RP1: variants seen among roughly 807,000 people sequenced by gnomAD.
RP1 encodes the protein oxygen-regulated protein 1.
RP1 carries 16 observed loss-of-function variants against 14.8 expected under a neutral mutation model. The ratio of observed to expected loss-of-function variants is 1.08; its 90% confidence interval spans 0.73 to 1.65. RP1 has a LOEUF of 1.65. RP1 is among the 40% of genes most tolerant of loss of function. RP1 has a pLI of 0.00. For synonymous variants in RP1, 876 were observed against 883.6 expected (o/e 0.99, Z 0.15); for missense variants, 2,631 against 2,535.0 (o/e 1.04, Z -0.81).
At position 54,640,462 on chromosome 8, in the gene RP1, C is replaced by A. The variant is rs1447256019; in HGVS notation, c.788-8523C>A. Among the ~76,000 whole-genome samples, 4 of 151,982 alleles carry A rather than the reference C, an allele frequency of 2.6e-5. No homozygotes were observed. The East Asian group carries it at 7.7e-4, about 29-fold the overall frequency. On this transcript the variant is annotated intron_variant, in intron 3 of 22. Coordinates refer to the RP1 transcript ENST00000636932. The stretch of plus-strand genomic sequence containing the variant: ...ACCAATCTAGGTTCTTTCATTTTTC[C>A]TTTTTAAACTGCTAAACCAGCAGCT...
chr8:54,766,565 T>C (rs940582521), intron 22 of RP1, among the ~76,000 whole-genome samples: 1 of 152,140 alleles, frequency 6.6e-6, no homozygotes, highest in Non-Finnish European at 1.5e-5. Context: ...GGTGGAGACA[T>C]AGAATCTTCA....
intron 23 of RP1, among the ~76,000 whole-genome samples, chr8:54,781,724 T>G (rs1479224570): frequency 6.6e-6 from 1 of 152,160 alleles, no homozygotes; most frequent in East Asian, 1.9e-4. Flanking sequence ...TTTTAAAGGA[T>G]GAAATATAAA....
At position 54,621,551 on chromosome 8, in the gene RP1, G is replaced by A. The variant is rs1327128195; in HGVS notation, c.585G>A (p.Val195=). The A allele has an allele frequency of 6.2e-7, 1 of 1,614,186 alleles. No homozygotes were observed. Among genetic ancestry groups the A allele is most frequent in the East Asian group, 2.2e-5 (1 of 44,874 alleles). ...TGACAGAGGTCATGCAGCGCCCTGT[G>A]GTCAAGCTGTACGCTACGGACGGAA... ...QHLTEVMQRP[V]VKLYATDGRR... Residue 195 remains valine (V), a synonymous_variant, in exon 2 of 4, where the codon GTG becomes GTA. Coordinates refer to ENST00000220676, the MANE Select transcript of RP1 (RefSeq NM_006269.2).
intron 16 of RP1, chr8:54,720,367 T>C: frequency 2.2e-6 from 3 of 1,370,262 alleles, no homozygotes; most frequent in Non-Finnish European, 2.9e-6. Context: ...GTGTACAGTG[T>C]CTGAAAATTT....
At chr8:54,791,769 A>G (rs1411580095) in intron 24 of RP1, among the ~76,000 whole-genome samples, 1 of 152,134 alleles carries the variant, frequency 6.6e-6, no homozygotes, top group African/African-American at 2.4e-5. Context: ...AAAGTCATCA[A>G]TTACAAAAGA....
intron 15 of RP1, among the ~76,000 whole-genome samples, chr8:54,718,718 T>C (rs1388863104): frequency 6.6e-6 from 1 of 152,200 alleles, no homozygotes; most frequent in Non-Finnish European, 1.5e-5. Context: ...CTTAAATGCA[T>C]ATTGCAAGAA....
At chr8:54,831,254 T>C (rs1811516567) in intron 24 of RP1, among the ~76,000 whole-genome samples, 1 of 152,022 alleles carries the variant, frequency 6.6e-6, no homozygotes. Flanking sequence ...GGTAATACTA[T>C]ATTTAACATG....
At chr8:54,593,598 T>C (rs968874709) in intron 1 of RP1, among the ~76,000 whole-genome samples, 3 of 152,124 alleles carry the variant, frequency 2.0e-5, no homozygotes, top group Non-Finnish European at 4.4e-5. Flanking sequence ...CACTGCCACA[T>C]CCAGTGTATG....
intron 1 of RP1, among the ~76,000 whole-genome samples, chr8:54,581,277 T>A (rs1344636112): frequency 6.6e-6 from 1 of 152,102 alleles, no homozygotes; most frequent in African/African-American, 2.4e-5. Context: ...GCCCTTGCGA[T>A]AGTTTGCTGA....
intron 1 of RP1, among the ~76,000 whole-genome samples, chr8:54,562,599 G>A (rs1361342638): frequency 2.6e-5 from 4 of 151,940 alleles, no homozygotes; most frequent in South Asian, 2.1e-4. Flanking sequence ...GATTGAACCC[G>A]GGAGGCAGAG....
At chr8:54,762,952 C>T (rs976446649) in intron 22 of RP1, among the ~76,000 whole-genome samples, 4 of 152,242 alleles carry the variant, frequency 2.6e-5, no homozygotes, top group East Asian at 1.9e-4. Flanking sequence ...AGGACACTGT[C>T]GTCATTGGAC....
chr8:54,686,219 T>C (rs1402845954), intron 12 of RP1, among the ~76,000 whole-genome samples: 1 of 152,152 alleles, frequency 6.6e-6, no homozygotes, highest in Non-Finnish European at 1.5e-5. Context: ...TGCAGGATTA[T>C]TTCCTGATGT....
chr8:54,626,734 G>A lies in RP1; in HGVS notation c.2852G>A (p.Ser951Asn), dbSNP rs1262420735. Reference protein sequence around the residue: ...ETSVVNCSNNSFSGNDPHTNS... With the variant: ...ETSVVNCSNNNFSGNDPHTNS... ...AGTGTGGTAAATTGTAGCAATAATAGTTTTTCAGGGAATGATCCCCATACA... is the reference window on the plus strand; with the variant it reads ...AGTGTGGTAAATTGTAGCAATAATAATTTTTCAGGGAATGATCCCCATACA... The change falls in exon 4 of 4, where the codon AGT becomes AAT. Residue 951 changes from serine to asparagine, a missense_variant. By Grantham distance (46) the Ser-to-Asn change is conservative. Coordinates refer to ENST00000220676, the MANE Select transcript of RP1 (RefSeq NM_006269.2). 6.2e-7 allele frequency: 1 copy of A among 1,613,886 alleles called. No homozygotes were observed. The highest frequency in any genetic ancestry group is 8.5e-7 in the Non-Finnish European group (1 of 1,179,928).
At chr8:54,581,456 C>T (rs934864231) in intron 1 of RP1, among the ~76,000 whole-genome samples, 4 of 152,172 alleles carry the variant, frequency 2.6e-5, no homozygotes, top group Non-Finnish European at 5.9e-5. Flanking sequence ...AATAGTGCCG[C>T]AATAAACATA....
chr8:54,648,248 A>G (rs960550625), intron 3 of RP1, among the ~76,000 whole-genome samples: 1 of 152,200 alleles, frequency 6.6e-6, no homozygotes, highest in African/African-American at 2.4e-5. Flanking sequence ...TGAAAATGCA[A>G]TAATACACTG....
intron 25 of RP1, among the ~76,000 whole-genome samples, chr8:54,847,695 C>T (rs1226112423): frequency 6.6e-6 from 1 of 152,232 alleles, no homozygotes; most frequent in African/African-American, 2.4e-5. Flanking sequence ...ATAGATATCA[C>T]AGGCCCTTGG....
chr8:54,711,146 G>T (rs1360028381), intron 15 of RP1, among the ~76,000 whole-genome samples: 1 of 152,136 alleles, frequency 6.6e-6, no homozygotes, highest in Non-Finnish European at 1.5e-5. Context: ...GGATTACAGA[G>T]AAAATACTGT....
rs1041820410 is a variant in RP1 at position 54,609,767 on chromosome 8, T to C, written c.-12-11188T>C. On this transcript the variant is annotated intron_variant, in intron 1 of 22. Transcript: ENST00000636932. ...TCACCTCTACCAGCATCACTGCCTG[T>C]CTTTCTGCTACTGGGGATGGCCTTC... Among the ~76,000 whole-genome samples, 5 of 152,258 alleles carry C rather than the reference T, an allele frequency of 3.3e-5. No homozygotes were observed. The East Asian group carries it at 5.8e-4, about 18-fold the overall frequency.
At chr8:54,741,196 T>C (rs1033176451) in intron 19 of RP1, among the ~76,000 whole-genome samples, 2 of 152,142 alleles carry the variant, frequency 1.3e-5, no homozygotes, top group African/African-American at 4.8e-5. Flanking sequence ...AGAAAAATAT[T>C]TTTTATGAAT....
Sources: allele counts gnomAD v4.1 joint callset (sites outside exome capture counted in the v4.1 genomes callset), GRCh38; gene constraint gnomAD v4.1.1; transcripts MANE v1.5; gene names NCBI Gene and HGNC (gene_info 2026-07-23, HGNC 2026-07-21).